Variants in SNX6 observed in about 807,000 individuals in gnomAD.
SNX6 encodes sorting nexin-6.
In SNX6, 34 loss-of-function variants were observed where a neutral mutation model predicts 63.0. That is an observed-to-expected ratio of 0.54 (90% CI 0.41 to 0.72). SNX6 has a LOEUF of 0.72. SNX6 is among the 30% of genes least tolerant of loss of function. The probability of loss-of-function intolerance (pLI) is 0.00; values close to 1 mark genes in which losing one functional copy is unlikely to be tolerated. For missense variants in SNX6, 398 were observed against 471.4 expected (o/e 0.84, Z 1.44); for synonymous variants, 170 against 164.2 (o/e 1.04, Z -0.27).
At chr14:34,568,394 C>A (rs746743312) in intron 11 of SNX6, among the ~76,000 whole-genome samples, 1 of 151,972 alleles carries the variant, frequency 6.6e-6, no homozygotes, top group Non-Finnish European at 1.5e-5. Context: ...CCACGCCTGG[C>A]TAATTTTTGT....
In SNX6 at chr14:34,563,032, C is replaced by G; in HGVS notation, c.*90G>C. 1 of 1,308,818 alleles carries G rather than the reference C, an allele frequency of 7.6e-7. No homozygotes were observed. The highest frequency in any genetic ancestry group is 1.5e-5 in the African/African-American group (1 of 67,694). The allele number at this position is 1,308,818 out of a possible 1,614,324, so 81.1% of individuals were successfully genotyped here. A position where few individuals can be genotyped will look rare whatever the true frequency, so the allele number is the denominator to read the frequency against. On this transcript the variant is annotated 3_prime_UTR_variant, in exon 14 of 14. Transcript: ENST00000362031. Reference sequence around the variant, plus strand: ...TTTTTCAGCTGCTTTTTGTTTGTTTCCAGTGAGCATAAATGCTTAACATCA... The same window carrying G: ...TTTTTCAGCTGCTTTTTGTTTGTTTGCAGTGAGCATAAATGCTTAACATCA...
chr14:34,596,925 G>A (rs953995049), intron 7 of SNX6, among the ~76,000 whole-genome samples: 2 of 152,078 alleles, frequency 1.3e-5, no homozygotes, highest in Non-Finnish European at 2.9e-5. Flanking sequence ...ACCCACCTTG[G>A]CCTCCCAAAG....
At chr14:34,586,385 T>C in intron 8 of SNX6, 80 bp from the exon 9 acceptor site, 1 of 858,558 alleles carries the variant, frequency 1.2e-6, no homozygotes, top group Non-Finnish European at 1.9e-6. Context: ...TCTCAAACAA[T>C]GTGTAATATG....
intron 2 of SNX6, among the ~76,000 whole-genome samples, chr14:34,619,409 A>G (rs1883542760): frequency 6.6e-6 from 1 of 151,966 alleles, no homozygotes; most frequent in Non-Finnish European, 1.5e-5. Context: ...GTAACAGAAC[A>G]CAACTCTGTC....
At chr14:34,591,271 G>C (rs938085314) in intron 8 of SNX6, among the ~76,000 whole-genome samples, 1 of 151,922 alleles carries the variant, frequency 6.6e-6, no homozygotes, top group Non-Finnish European at 1.5e-5. Context: ...ACTTTGAGTG[G>C]TTCTTTTACA....
chr14:34,587,593 G>A (rs1882226313), intron 8 of SNX6, among the ~76,000 whole-genome samples: 1 of 149,524 alleles, frequency 6.7e-6, no homozygotes, highest in Non-Finnish European at 1.5e-5. Flanking sequence ...AAAAATCCTG[G>A]GCGATAGAGC....
chr14:34,586,287 T>C lies in SNX6; in HGVS notation c.737A>G (p.Asn246Ser), dbSNP rs1407293887. The change falls in exon 9 of 14, where the codon AAT becomes AGT. Residue 246 changes from asparagine (N) to serine (S), a missense_variant. Asn to Ser is a conservative substitution (Grantham distance 46). Coordinates refer to ENST00000362031, the MANE Select transcript of SNX6 (RefSeq NM_152233.4). ...AGCATATAATGAAGAACCAATTCTA[T>C]TGTAATCATCTGCAGCACCTATGGA... ...RSHKSAADDYNRIGSSLYALG... is the reference protein window; with the variant it reads ...RSHKSAADDYSRIGSSLYALG... 2.5e-6 allele frequency: 4 copies of C among 1,607,502 alleles called. No homozygotes were observed. Among genetic ancestry groups the C allele is most frequent in the Middle Eastern group, 1.7e-4 (1 of 6,038 alleles).
intron 8 of SNX6, among the ~76,000 whole-genome samples, chr14:34,591,498 AG>A (rs1882391943): frequency 1.3e-5 from 2 of 152,086 alleles, no homozygotes; most frequent in Non-Finnish European, 2.9e-5. Flanking sequence ...AGGCTGAGGC[AG>A]GAGAATTGCT....
intron 2 of SNX6, among the ~76,000 whole-genome samples, chr14:34,610,368 A>G (rs1883181271): frequency 1.3e-5 from 2 of 151,288 alleles, no homozygotes; most frequent in Non-Finnish European, 2.9e-5. Context: ...AAAAAAAAAA[A>G]AAAAACTTCT....
chr14:34,600,806 C>T (rs1053109355), intron 6 of SNX6, among the ~76,000 whole-genome samples: 1 of 151,986 alleles, frequency 6.6e-6, no homozygotes, highest in African/African-American at 2.4e-5. Context: ...GGGAGGCCGA[C>T]GCAGGCAGAT....
At chr14:34,596,850 A>T (rs1002313991) in intron 7 of SNX6, among the ~76,000 whole-genome samples, 33 of 151,780 alleles carry the variant, frequency 2.2e-4, no homozygotes, top group Non-Finnish European at 1.3e-4. Flanking sequence ...TTGCATTTTT[A>T]GTAGAGACGG....
Position 34,568,016 on chromosome 14 carries a change from A to G in SNX6, c.922-3T>C, listed in dbSNP as rs745680570. The stretch of plus-strand genomic sequence containing the variant: ...CTAGACCTTCGATACAGGAGATCCT[A>G]TAAAACAGAATGCTTCACAATAGTA... On this transcript the variant is annotated splice_polypyrimidine_tract_variant and splice_region_variant and intron_variant, in intron 11 of 13. Coordinates refer to ENST00000362031, the MANE Select transcript of SNX6 (RefSeq NM_152233.4). 6 of 1,609,782 alleles carry G rather than the reference A, an allele frequency of 3.7e-6. No homozygotes were observed. The Admixed American group carries it at 8.4e-5, about 23-fold the overall frequency.
chr14:34,565,329 G>A (rs1429886491), intron 13 of SNX6, among the ~76,000 whole-genome samples: 2 of 151,484 alleles, frequency 1.3e-5, no homozygotes, highest in African/African-American at 2.4e-5. Flanking sequence ...TGCCCGCCTT[G>A]GCCTCCCAAA....
intron 11 of SNX6, 59 bp from the exon 12 acceptor site, chr14:34,568,072 C>T: frequency 7.0e-7 from 1 of 1,430,922 alleles, no homozygotes; most frequent in African/African-American, 1.4e-5. Context: ...TAGTCACACC[C>T]AGCCACCACT....
At chr14:34,586,021 G>A (rs1019322076) in intron 9 of SNX6, among the ~76,000 whole-genome samples, 3 of 152,032 alleles carry the variant, frequency 2.0e-5, no homozygotes, top group Non-Finnish European at 2.9e-5. Context: ...CCCTGCCTCA[G>A]CCTCCTGAGT....
chr14:34,594,228 A>T (rs990370530), intron 7 of SNX6, among the ~76,000 whole-genome samples: 1 of 151,684 alleles, frequency 6.6e-6, no homozygotes, highest in Non-Finnish European at 1.5e-5. Context: ...AGCCTTAGTC[A>T]TTAAGGCCCT....
rs7158835 is a variant in SNX6 at position 34,629,803 on chromosome 14, G to A, written c.54+104C>T. ...GAAACCGAAAGGAGGACTACGGGGA[G>A]GGAGTGCCGCGCGGCTGGGGACCCA... On this transcript the variant is annotated intron_variant, in intron 2 of 13. Transcript: ENST00000362031. 4.6e-3 allele frequency: 6,916 copies of A among 1,492,168 alleles called. 300 individuals are homozygous for A. The African/African-American group carries it at 0.089, about 19-fold the overall frequency. 92.4% of individuals were successfully genotyped at this position (1,492,168 alleles called of 1,614,324 possible).
intron 2 of SNX6, among the ~76,000 whole-genome samples, chr14:34,622,520 T>C (rs1883663620): frequency 6.7e-6 from 1 of 149,150 alleles, no homozygotes; most frequent in Non-Finnish European, 1.5e-5. Context: ...GAGGCGGAGC[T>C]TGCAGTGAGC....
At chr14:34,628,227 G>A (rs1246392664) in intron 2 of SNX6, among the ~76,000 whole-genome samples, 1 of 151,678 alleles carries the variant, frequency 6.6e-6, no homozygotes, top group Non-Finnish European at 1.5e-5. Context: ...TGGGAGGCCG[G>A]GGTGGGTAGA....
Sources: gnomAD v4.1 joint callset for allele counts (sites outside exome capture counted in the v4.1 genomes callset) on GRCh38, gnomAD v4.1.1 for gene constraint, MANE v1.5 for transcripts, NCBI Gene and HGNC (gene_info 2026-07-23, HGNC 2026-07-21) for gene names.